The following CLASP1 variants were observed in gnomAD, a reference collection of about 807,000 sequenced individuals.
CLASP1 encodes the protein cytoplasmic linker associated protein 1, also known as CLIP-associating protein 1.
Under a neutral mutation model 192.3 loss-of-function variants are expected in CLASP1, and 38 were observed. The ratio of observed to expected loss-of-function variants is 0.20; its 90% CI spans 0.15 to 0.26. CLASP1 has a LOEUF of 0.26. Among genes scored for constraint, CLASP1 ranks in the 10% least tolerant of loss-of-function variants. The pLI is 1.00. For synonymous variants in CLASP1, 691 were observed against 712.8 expected (o/e 0.97, Z 0.49); for missense variants, 1,433 against 1,932.5 (o/e 0.74, Z 4.85).
intron 38 of CLASP1, among the ~76,000 whole-genome samples, chr2:121,347,458 G>A (rs1381835804): frequency 9.9e-5 from 15 of 152,202 alleles, no homozygotes; most frequent in African/African-American, 3.1e-4. Context: ...AAACATTGTA[G>A]AGGAGAGAGA....
intron 35 of CLASP1, among the ~76,000 whole-genome samples, chr2:121,366,513 C>A (rs999786375): frequency 6.6e-6 from 1 of 152,246 alleles, no homozygotes; most frequent in East Asian, 1.9e-4. Flanking sequence ...TGTGCCCCGA[C>A]TGGATCTGGC....
At chr2:121,516,794 C>T (rs538646507) in intron 6 of CLASP1, among the ~76,000 whole-genome samples, 192 of 151,512 alleles carry the variant, frequency 1.3e-3, no homozygotes, top group South Asian at 5.9e-3. Context: ...TTTGGGAGGC[C>T]GAAGCGGGCA....
chr2:121,640,262 C>G (rs1486096676), intron 1 of CLASP1, among the ~76,000 whole-genome samples: 1 of 152,052 alleles, frequency 6.6e-6, no homozygotes, highest in Non-Finnish European at 1.5e-5. Context: ...GGAGAAATAC[C>G]TAATGTAAAT....
chr2:121,555,102 C>T (rs542373921), intron 2 of CLASP1, among the ~76,000 whole-genome samples: 1 of 152,292 alleles, frequency 6.6e-6, no homozygotes, highest in Admixed American at 6.5e-5. Context: ...ACCCAGAGTC[C>T]TAATGGAGTC....
intron 36 of CLASP1, among the ~76,000 whole-genome samples, chr2:121,363,746 C>T (rs1377075936): frequency 6.8e-6 from 1 of 147,898 alleles, no homozygotes; most frequent in Non-Finnish European, 1.5e-5. Context: ...GTGAACTCCA[C>T]CTAAGGACAG....
chr2:121,357,943 TCTTC>T (rs1449850189), intron 37 of CLASP1, among the ~76,000 whole-genome samples: 3 of 152,226 alleles, frequency 2.0e-5, no homozygotes, highest in African/African-American at 7.2e-5. Context: ...CCTAAGGAAC[TCTTC>T]CTTGACTATT....
chr2:121,454,159 C>T (rs74774677), intron 14 of CLASP1, among the ~76,000 whole-genome samples: 1 of 151,818 alleles, frequency 6.6e-6, no homozygotes, highest in African/African-American at 2.4e-5. Flanking sequence ...CCCACCCCCC[C>T]CTCCAAAATT....
At position 121,599,480 on chromosome 2, in the gene CLASP1, C is replaced by T. The variant is rs540093684; in HGVS notation, c.195+6221G>A. 1.6e-4 allele frequency among the ~76,000 whole-genome samples: 23 copies of T among 146,430 alleles called. No homozygotes were observed. In the South Asian group the frequency reaches 4.8e-3, roughly 31 times the overall value. On this transcript the variant is annotated intron_variant, in intron 2 of 39. Coordinates refer to ENST00000263710, the Ensembl canonical transcript of CLASP1. ...GTGCATGCCTGTAGTCCCAGCTACT[C>T]GGGAGGCTGAGGCAGAAGAATCACT...
At position 121,387,245 on chromosome 2, in the gene CLASP1, T is replaced by C. The variant is rs550042798; in HGVS notation, c.3268-17A>G. 6.6e-7 allele frequency: 1 copy of C among 1,520,656 alleles called. No individual in the cohort carries two copies. Among genetic ancestry groups the C allele is most frequent in the Admixed American group, 2.2e-5 (1 of 46,412 alleles). The allele number at this position is 1,520,656 out of a possible 1,614,324, so 94.2% of individuals were successfully genotyped here. A position where few individuals can be genotyped will look rare whatever the true frequency, so the allele number is the denominator to read the frequency against. Reference sequence around the variant, plus strand: ...TGGAGAGCCCTGGGGTGAAGCAGAATAGGCATCGTTATTCAAGGGCTGTAT... The same window carrying C: ...TGGAGAGCCCTGGGGTGAAGCAGAACAGGCATCGTTATTCAAGGGCTGTAT... On this transcript the variant is annotated splice_polypyrimidine_tract_variant and intron_variant, in intron 31 of 39. Coordinates refer to ENST00000263710, the Ensembl canonical transcript of CLASP1.
chr2:121,606,855 C>G (rs529722750), intron 1 of CLASP1, among the ~76,000 whole-genome samples: 4 of 152,138 alleles, frequency 2.6e-5, no homozygotes, highest in African/African-American at 9.7e-5. Context: ...GTCAGGAGTT[C>G]GAGACAGCCT....
chr2:121,407,196 C>G (rs937774238), intron 25 of CLASP1, among the ~76,000 whole-genome samples: 3 of 142,128 alleles, frequency 2.1e-5, no homozygotes, highest in Non-Finnish European at 3.0e-5. Flanking sequence ...GTCTGGGCAA[C>G]AGAGCGAGAT....
At chr2:121,632,511 A>T (rs1381334176) in intron 1 of CLASP1, among the ~76,000 whole-genome samples, 1 of 152,198 alleles carries the variant, frequency 6.6e-6, no homozygotes, top group Non-Finnish European at 1.5e-5. Flanking sequence ...GCAACAGCAT[A>T]CTATTTAGTC....
intron 35 of CLASP1, 57 bp downstream of exon 36, chr2:121,367,531 G>A (rs1291631600): frequency 1.2e-6 from 2 of 1,607,552 alleles, no homozygotes; most frequent in African/African-American, 1.3e-5. Flanking sequence ...GGCCAGACGG[G>A]AGGGAGCACA....
At chr2:121,488,478 A>G (rs1267916152) in intron 8 of CLASP1, among the ~76,000 whole-genome samples, 2 of 152,204 alleles carry the variant, frequency 1.3e-5, no homozygotes, top group Non-Finnish European at 2.9e-5. Context: ...TGGCACTCAT[A>G]CCCAGTCTGA....
intron 4 of CLASP1, among the ~76,000 whole-genome samples, chr2:121,528,339 G>A (rs72830809): frequency 2.4e-4 from 37 of 152,304 alleles, no homozygotes; most frequent in Non-Finnish European, 4.6e-4. Flanking sequence ...CAGGGCTCCA[G>A]CCAGGCCTCC....
intron 1 of CLASP1, among the ~76,000 whole-genome samples, chr2:121,637,952 A>G (rs1249546963): frequency 1.3e-5 from 2 of 152,200 alleles, no homozygotes; most frequent in African/African-American, 4.8e-5. Flanking sequence ...GATAACTTTA[A>G]AAAGAATAAA....
At position 121,367,577 on chromosome 2, in the gene CLASP1, G is replaced by A. The variant is rs2067679327; in HGVS notation, c.3886+11C>T. On this transcript the variant is annotated intron_variant, in intron 35 of 39. Coordinates refer to ENST00000263710, the Ensembl canonical transcript of CLASP1. ...TTCTGGGTGGGGACAGTTAAGAAAA[G>A]AGACACCAACCGTCTCGAAGCTGCT... 1 of 1,613,828 alleles carries A rather than the reference G, an allele frequency of 6.2e-7. No individual in the cohort carries two copies. Among genetic ancestry groups the A allele is most frequent in the African/African-American group, 1.3e-5 (1 of 74,938 alleles).
chr2:121,585,598 G>C (rs2061629907), intron 2 of CLASP1, among the ~76,000 whole-genome samples: 1 of 152,126 alleles, frequency 6.6e-6, no homozygotes. Flanking sequence ...CAAGAGCTCA[G>C]TCTATAAAAA....
At chr2:121,531,728 C>T (rs1324364992) in intron 2 of CLASP1, among the ~76,000 whole-genome samples, 1 of 151,830 alleles carries the variant, frequency 6.6e-6, no homozygotes, top group African/African-American at 2.4e-5. Context: ...ATTAGCTGGG[C>T]GTGGCGGCGC....
Sources: gnomAD v4.1 joint callset for allele counts (sites outside exome capture counted in the v4.1 genomes callset) on GRCh38, gnomAD v4.1.1 for gene constraint, MANE v1.5 for transcripts, NCBI Gene and HGNC (gene_info 2026-07-23, HGNC 2026-07-21) for gene names.